ITPRID1: variants seen among roughly 807,000 people sequenced by gnomAD.
ITPRID1 encodes the protein ITPR interacting domain containing 1, also known as protein ITPRID1.
A neutral mutation model predicts 95.4 loss-of-function variants in ITPRID1; 96 were observed. The ratio of observed to expected loss-of-function variants is 1.01; its 90% CI spans 0.85 to 1.19. The LOEUF is 1.19. ITPRID1 is among the 50% of genes most tolerant of loss of function. The pLI is 0.00. For missense variants in ITPRID1, 1,339 were observed against 1,252.9 expected (o/e 1.07, Z -1.04); for synonymous variants, 510 against 453.6 (o/e 1.12, Z -1.58).
rs143171137 is a variant in ITPRID1, at chr7:31,544,398, A to G, written c.-97-5028A>G. Among the ~76,000 whole-genome samples the G allele has an allele frequency of 1.7e-3, 256 of 152,258 alleles. 2 individuals carry two copies. Among genetic ancestry groups the G allele is most frequent in the African/African-American group, 6.0e-3 (249 of 41,566 alleles). On this transcript the variant is annotated intron_variant, in intron 1 of 14. Transcript: ENST00000615280. The stretch of plus-strand genomic sequence containing the variant: ...AACTAATATTAAAGAACATACGTTT[A>G]ATTATCACAAAGCCACTGCTTAGCA...
chr7:31,625,629 G>A (rs1788384164), intron 10 of ITPRID1, among the ~76,000 whole-genome samples: 1 of 152,030 alleles, frequency 6.6e-6, no homozygotes, highest in African/African-American at 2.4e-5. Flanking sequence ...TTGTGGGGTG[G>A]GAGGAGGGGG....
intron 9 of ITPRID1, among the ~76,000 whole-genome samples, chr7:31,580,897 C>T (rs1211854500): frequency 2.0e-5 from 3 of 151,774 alleles, no homozygotes; most frequent in Non-Finnish European, 4.4e-5. Context: ...AGAGATAGTC[C>T]TAAAATAATA....
At chr7:31,628,909 G>A (rs759409590) in intron 10 of ITPRID1, among the ~76,000 whole-genome samples, 7 of 152,134 alleles carry the variant, frequency 4.6e-5, no homozygotes, top group Non-Finnish European at 8.8e-5. Context: ...CAAGGACAAT[G>A]TTTCCTCCCA....
chr7:31,549,491 A>C lies in ITPRID1; in HGVS notation c.-32A>C, dbSNP rs959674024. Reference sequence around the variant, plus strand: ...AAGGAAAAAGAAAGAAAACTGACCAATATGAGTGGTGATTGTTTTGGATAT... The same window carrying C: ...AAGGAAAAAGAAAGAAAACTGACCACTATGAGTGGTGATTGTTTTGGATAT... On this transcript the variant is annotated 5_prime_UTR_variant, in exon 2 of 15. Transcript: ENST00000615280. 67 of 1,525,896 alleles carry C rather than the reference A, an allele frequency of 4.4e-5. No homozygotes were observed. Among genetic ancestry groups the C allele is most frequent in the Non-Finnish European group, 5.4e-5 (62 of 1,142,306 alleles). The allele number at this position is 1,525,896 out of a possible 1,614,324, so 94.5% of individuals were successfully genotyped here.
Position 31,629,991 on chromosome 7 carries a change from C to A in ITPRID1, c.1229-12185C>A, listed in dbSNP as rs527291076. Reference sequence around the variant, plus strand: ...ATGAATATTTTTAAAAGAGAAGAAACACACACACACAAAATTGCTAGATCT... The same window carrying A: ...ATGAATATTTTTAAAAGAGAAGAAAAACACACACACAAAATTGCTAGATCT... On this transcript the variant is annotated intron_variant, in intron 10 of 14. Transcript: ENST00000615280. Among the ~76,000 whole-genome samples the A allele has an allele frequency of 2.0e-3, 306 of 151,568 alleles. 1 individual carries two copies. Among genetic ancestry groups the A allele is most frequent in the African/African-American group, 7.0e-3 (291 of 41,314 alleles).
intron 10 of ITPRID1, among the ~76,000 whole-genome samples, chr7:31,609,912 T>C (rs1786790082): frequency 6.6e-6 from 1 of 151,512 alleles, no homozygotes; most frequent in East Asian, 1.9e-4. Context: ...AATATAGACA[T>C]TTATAGCTAA....
At position 31,578,152 on chromosome 7, in the gene ITPRID1, G is replaced by A. The variant is rs760892295; in HGVS notation, c.888G>A (p.Glu296=). The part of the protein sequence containing the change: ...PFTKPWDCGA[E]LAATSINHKQ... ...CAAAACCATGGGATTGTGGAGCAGA[G>A]CTAGCAGCAACCTCAATCAACCACA... Residue 296 remains glutamate, a synonymous_variant, in exon 9 of 15, where the codon GAG becomes GAA. Transcript: ENST00000615280. The A allele has an allele frequency of 3.1e-6, 5 of 1,613,762 alleles. No individual in the cohort carries two copies. The South Asian group carries it at 4.4e-5, about 14-fold the overall frequency.
chr7:31,642,707 G>T lies in ITPRID1; in HGVS notation c.1337G>T (p.Ser446Ile), dbSNP rs1203963804. ...LQMPSLPNSQ[S>I]PAENGGRKPR... Reference sequence around the variant, plus strand: ...ATGCCTTCCTTGCCAAACAGCCAGAGTCCTGCTGAGAATGGAGGTAGAAAG... The same window carrying T: ...ATGCCTTCCTTGCCAAACAGCCAGATTCCTGCTGAGAATGGAGGTAGAAAG... The change falls in exon 12 of 15, where the codon AGT becomes ATT. Residue 446 changes from serine (S) to isoleucine (I), a missense_variant. Ser to Ile is a moderately radical substitution (Grantham distance 142). Coordinates refer to ENST00000615280, the MANE Select transcript of ITPRID1 (RefSeq NM_001257967.3). The T allele has an allele frequency of 2.5e-6, 4 of 1,613,828 alleles. No homozygotes were observed. Among genetic ancestry groups the T allele is most frequent in the African/African-American group, 1.3e-5 (1 of 74,944 alleles).
chr7:31,577,092 A>G (rs1213258154), intron 8 of ITPRID1, among the ~76,000 whole-genome samples: 1 of 152,176 alleles, frequency 6.6e-6, no homozygotes, highest in Non-Finnish European at 1.5e-5. Flanking sequence ...TTGAAGGGCA[A>G]ATAGGTTTTT....
chr7:31,629,048 T>A (rs1295904989), intron 10 of ITPRID1, among the ~76,000 whole-genome samples: 1 of 152,196 alleles, frequency 6.6e-6, no homozygotes, highest in East Asian at 1.9e-4. Context: ...ATTTGAAACC[T>A]ATCTATTGTC....
chr7:31,593,656 A>G (rs1785957470), intron 10 of ITPRID1, among the ~76,000 whole-genome samples: 1 of 152,178 alleles, frequency 6.6e-6, no homozygotes, highest in African/African-American at 2.4e-5. Flanking sequence ...ATGTGACCTG[A>G]CGATACCTCA....
intron 1 of ITPRID1, among the ~76,000 whole-genome samples, chr7:31,526,698 T>C (rs1188152165): frequency 3.9e-5 from 6 of 152,144 alleles, no homozygotes; most frequent in African/African-American, 1.4e-4. Flanking sequence ...ATTTTGACCA[T>C]TGCGTCCCCC....
chr7:31,609,787 A>C (rs1436228317), intron 10 of ITPRID1, among the ~76,000 whole-genome samples: 1 of 151,014 alleles, frequency 6.6e-6, no homozygotes, highest in Non-Finnish European at 1.5e-5. Flanking sequence ...TATTTTACTT[A>C]TCTCTGCTCC....
intron 10 of ITPRID1, among the ~76,000 whole-genome samples, chr7:31,602,493 A>G (rs1220231781): frequency 1.3e-5 from 2 of 152,142 alleles, no homozygotes; most frequent in Non-Finnish European, 2.9e-5. Context: ...TTGTTCTGTA[A>G]TGAAGCTTTA....
intron 10 of ITPRID1, among the ~76,000 whole-genome samples, chr7:31,600,713 C>G (rs1247161461): frequency 6.6e-6 from 1 of 152,120 alleles, no homozygotes; most frequent in Non-Finnish European, 1.5e-5. Flanking sequence ...GGAGTTATTC[C>G]TCGATGGGAA....
Position 31,578,296 on chromosome 7 carries a change from C to T in ITPRID1, c.1032C>T (p.Ala344=). 2 of 1,613,876 alleles carry T rather than the reference C, an allele frequency of 1.2e-6. No homozygotes were observed. Among genetic ancestry groups the T allele is most frequent in the African/African-American group, 1.3e-5 (1 of 75,034 alleles). ...AGTGGCCTTGCTCATCTATGCCGGCCAAGCAGGCTCCTCCTTCCTGTGTGT... is the reference window on the plus strand; with the variant it reads ...AGTGGCCTTGCTCATCTATGCCGGCTAAGCAGGCTCCTCCTTCCTGTGTGT... ...SKQWPCSSMP[A]KQAPPSCVSE... Residue 344 remains alanine, a synonymous_variant, in exon 9 of 15, where the codon GCC becomes GCT. Coordinates refer to ENST00000615280, the MANE Select transcript of ITPRID1 (RefSeq NM_001257967.3).
intron 1 of ITPRID1, among the ~76,000 whole-genome samples, chr7:31,519,823 G>A (rs1024523533): frequency 1.3e-5 from 2 of 151,274 alleles, no homozygotes; most frequent in African/African-American, 4.9e-5. Context: ...AAATTGTAGA[G>A]ATCTCTCTAC....
rs1562579586 is a variant in ITPRID1 at position 31,574,526 on chromosome 7, A to G, written c.396-14A>G. 1.9e-6 allele frequency: 3 copies of G among 1,609,940 alleles called. No homozygotes were observed. The African/African-American group carries it at 4.0e-5, about 22-fold the overall frequency. On this transcript the variant is annotated splice_polypyrimidine_tract_variant and intron_variant, in intron 7 of 14. Transcript: ENST00000615280. ...ACTGTTTCTGGATAAAGATATTCAT[A>G]TTTTTTACCACAGCATTCCTGAATG...
intron 1 of ITPRID1, chr7:31,529,785 G>A (rs1421179958): frequency 6.5e-7 from 1 of 1,535,432 alleles, no homozygotes; most frequent in East Asian, 2.4e-5. Context: ...ACTACAGCAA[G>A]TTGCAAGACC....
Sources: allele counts gnomAD v4.1 joint callset (sites outside exome capture counted in the v4.1 genomes callset), GRCh38; gene constraint gnomAD v4.1.1; transcripts MANE v1.5; gene names NCBI Gene and HGNC (gene_info 2026-07-23, HGNC 2026-07-21).